Variants in DHX40 observed in about 807,000 individuals in gnomAD.
DHX40 encodes the protein probable ATP-dependent RNA helicase DHX40.
A neutral mutation model predicts 89.6 loss-of-function variants in DHX40; 28 were observed. The ratio of observed to expected loss-of-function variants is 0.31; its 90% CI spans 0.23 to 0.43. The LOEUF (loss-of-function observed/expected upper bound fraction) is 0.43, where lower values mean the gene tolerates loss of function less well. Ranked by LOEUF, DHX40 falls within the 20% of genes least tolerant of loss-of-function variation. DHX40 has a pLI of 1.00. For synonymous variants in DHX40, 226 were observed against 283.6 expected (o/e 0.80, Z 2.04); for missense variants, 457 against 844.0 (o/e 0.54, Z 5.68).
At chr17:59,602,198 G>A (rs1267580685) in intron 14 of DHX40, among the ~76,000 whole-genome samples, 1 of 152,058 alleles carries the variant, frequency 6.6e-6, no homozygotes, top group African/African-American at 2.4e-5. Context: ...CCCTAACCCA[G>A]GGAGTTCTCT....
Position 59,607,169 on chromosome 17 carries a change from C to T in DHX40, c.2337C>T (p.Gly779=). Residue 779 remains glycine, a synonymous_variant, in exon 18 of 18, where the codon GGC becomes GGT. Transcript: ENST00000251241. ...ACAGTGACACACGAAAGGAAACAGG[C>T]TAAGGTGGTGAACCCTCCAATTCAG... ...QDHSDTRKET[G] is the part of the protein sequence containing the mutation. 6.2e-7 allele frequency: 1 copy of T among 1,614,138 alleles called. No individual in the cohort carries two copies. Among genetic ancestry groups the T allele is most frequent in the Non-Finnish European group, 8.5e-7 (1 of 1,180,036 alleles).
chr17:59,577,205 A>G (rs753045984), intron 7 of DHX40, 61 bp from the exon 8 acceptor site: 3 of 1,427,320 alleles, frequency 2.1e-6, no homozygotes, highest in Non-Finnish European at 2.9e-6. Context: ...TAAGTTCTTC[A>G]AAACTCGAGT....
chr17:59,569,285 G>A (rs945446222), intron 2 of DHX40, among the ~76,000 whole-genome samples: 6 of 151,756 alleles, frequency 4.0e-5, no homozygotes, highest in African/African-American at 1.5e-4. Flanking sequence ...CCGAGATTGT[G>A]CCACTGCACT....
At chr17:59,594,705 A>G (rs1486892379) in intron 12 of DHX40, among the ~76,000 whole-genome samples, 2 of 152,040 alleles carry the variant, frequency 1.3e-5, no homozygotes, top group African/African-American at 2.4e-5. Context: ...AGCTGTGGGG[A>G]ATAGAGGACT....
At chr17:59,572,669 G>A (rs141279541) in intron 3 of DHX40, among the ~76,000 whole-genome samples, 15 of 152,302 alleles carry the variant, frequency 9.8e-5, no homozygotes, top group Middle Eastern at 6.8e-3. Context: ...GTGAGCTACC[G>A]TGTCTGACCT....
At chr17:59,580,672 TC>T (rs1349810386) in intron 10 of DHX40, among the ~76,000 whole-genome samples, 22 of 138,842 alleles carry the variant, frequency 1.6e-4, no homozygotes, top group African/African-American at 6.0e-4. Flanking sequence ...CATGCTTGAG[TC>T]CCAGATATTT....
intron 1 of DHX40, 149 bp from the exon 2 acceptor site, chr17:59,566,478 G>T (rs2048707071): frequency 4.0e-6 from 3 of 751,672 alleles, no homozygotes; most frequent in Non-Finnish European, 6.1e-6. Flanking sequence ...GCTCATTAAC[G>T]CTCACTTACA....
At chr17:59,586,278 T>G in intron 11 of DHX40, 45 bp downstream of exon 11, 1 of 1,410,760 alleles carries the variant, frequency 7.1e-7, no homozygotes, top group Non-Finnish European at 9.7e-7. Flanking sequence ...GATATTGATC[T>G]CTTTTTAAAC....
chr17:59,573,397 A>G (rs2048837559), intron 4 of DHX40, among the ~76,000 whole-genome samples, 162 bp downstream of exon 4: 2 of 152,140 alleles, frequency 1.3e-5, no homozygotes, highest in South Asian at 2.1e-4. Flanking sequence ...TGGCACGATC[A>G]TAGCTCACTG....
chr17:59,598,365 G>T (rs2030247634), intron 12 of DHX40, among the ~76,000 whole-genome samples: 1 of 152,008 alleles, frequency 6.6e-6, no homozygotes. Flanking sequence ...ATTGGTTTAT[G>T]GGTAGTGTGA....
At chr17:59,590,371 A>G (rs892237335) in intron 12 of DHX40, among the ~76,000 whole-genome samples, 1 of 149,522 alleles carries the variant, frequency 6.7e-6, no homozygotes, top group Admixed American at 6.6e-5. Context: ...TTAATTTATT[A>G]TTGCCATGAT....
chr17:59,571,540 G>A (rs1170517047), intron 3 of DHX40, among the ~76,000 whole-genome samples: 1 of 150,372 alleles, frequency 6.7e-6, no homozygotes, highest in Non-Finnish European at 1.5e-5. Context: ...ATCCCAAACA[G>A]AAACTCTTAT....
chr17:59,577,494 A>G, intron 8 of DHX40, 129 bp downstream of exon 8: 1 of 677,544 alleles, frequency 1.5e-6, no homozygotes, highest in Non-Finnish European at 2.5e-6. Flanking sequence ...GATGTTCTTA[A>G]CATGTAATCA....
At position 59,605,136 on chromosome 17, in the gene DHX40, C is replaced by T. The variant is rs2030763667; in HGVS notation, c.1923C>T (p.Cys641=). 31 of 1,614,056 alleles carry T rather than the reference C, an allele frequency of 1.9e-5. No homozygotes were observed. In the East Asian group the frequency reaches 6.9e-4, roughly 36 times the overall value. The change falls in exon 16 of 18, where the codon TGC becomes TGT. Residue 641 remains cysteine, a synonymous_variant. Transcript: ENST00000251241. ...ATAGATCTGTTGGGAGAACGTTTTGCACAATGGATGGTCGTGGAAGCCCAG... is the reference window on the plus strand; with the variant it reads ...ATAGATCTGTTGGGAGAACGTTTTGTACAATGGATGGTCGTGGAAGCCCAG... ...VARRSVGRTF[C]TMDGRGSPVH...
At chr17:59,604,560 TA>T (rs576802517) in intron 15 of DHX40, 65 of 154,248 alleles carry the variant, frequency 4.2e-4, no homozygotes, top group Admixed American at 2.5e-3. Context: ...GAACTAGGTT[TA>T]TTTTTTTGAC....
intron 14 of DHX40, among the ~76,000 whole-genome samples, chr17:59,600,971 C>G (rs543257380): frequency 3.3e-5 from 5 of 150,152 alleles, no homozygotes; most frequent in Non-Finnish European, 5.9e-5. Context: ...TTTTTATCAT[C>G]CCATACTATA....
At chr17:59,605,965 T>C (rs1238968093) in intron 17 of DHX40, among the ~76,000 whole-genome samples, 1 of 151,062 alleles carries the variant, frequency 6.6e-6, no homozygotes, top group Non-Finnish European at 1.5e-5. Context: ...AGACACTATC[T>C]CTAAAAAAAA....
intron 12 of DHX40, among the ~76,000 whole-genome samples, chr17:59,589,342 C>T (rs1175582293): frequency 1.3e-5 from 2 of 150,756 alleles, no homozygotes; most frequent in African/African-American, 4.9e-5. Context: ...TCGCCTCAGC[C>T]TCCCGAGTAG....
chr17:59,570,797 C>A (rs2048796522), intron 3 of DHX40, 134 bp downstream of exon 3: 1 of 832,754 alleles, frequency 1.2e-6, no homozygotes, highest in Non-Finnish European at 1.7e-6. Flanking sequence ...GATCTCCTAC[C>A]TCAGCCCCTT....
Sources: gnomAD v4.1 joint callset for allele counts (sites outside exome capture counted in the v4.1 genomes callset) on GRCh38, gnomAD v4.1.1 for gene constraint, MANE v1.5 for transcripts, NCBI Gene and HGNC (gene_info 2026-07-23, HGNC 2026-07-21) for gene names.